CD38: variants seen among roughly 807,000 people sequenced by gnomAD.
CD38 encodes ADP-ribosyl cyclase/cyclic ADP-ribose hydrolase 1.
A neutral mutation model predicts 36.3 loss-of-function variants in CD38; 31 were observed. The ratio of observed to expected loss-of-function variants is 0.85; its 90% CI spans 0.64 to 1.15. CD38 has a LOEUF of 1.15. CD38 is among the 50% of genes most tolerant of loss of function. The probability of loss-of-function intolerance (pLI) is 0.00; values close to 1 mark genes in which losing one functional copy is unlikely to be tolerated. For synonymous variants in CD38, 131 were observed against 135.2 expected (o/e 0.97, Z 0.22); for missense variants, 380 against 371.9 (o/e 1.02, Z -0.18).
intron 5 of CD38, 143 bp from the exon 6 acceptor site, chr4:15,839,883 G>T (rs969813441): frequency 2.9e-6 from 2 of 691,292 alleles, no homozygotes; most frequent in East Asian, 4.9e-5. Context: ...ATAAGAAAAG[G>T]TTATTGACTG....
At chr4:15,840,689 C>T (rs1386832854) in intron 7 of CD38, 151 bp downstream of exon 7, 6 of 590,026 alleles carry the variant, frequency 1.0e-5, no homozygotes, top group African/African-American at 1.9e-5. Flanking sequence ...TGATCTCTGT[C>T]CCTCCTTCCA....
intron 7 of CD38, 133 bp downstream of exon 7, chr4:15,840,671 A>G (rs1560321183): frequency 5.0e-6 from 3 of 603,362 alleles, no homozygotes; most frequent in South Asian, 2.1e-5. Context: ...ACAGATGGCA[A>G]CCTCTGGTGA....
At position 15,834,203 on chromosome 4, in the gene CD38, A is replaced by G. The variant is rs755930532; in HGVS notation, c.500-14A>G. 2 of 1,538,080 alleles carry G rather than the reference A, an allele frequency of 1.3e-6. No homozygotes were observed. Among genetic ancestry groups the G allele is most frequent in the Non-Finnish European group, 1.8e-6 (2 of 1,110,926 alleles). On this transcript the variant is annotated splice_polypyrimidine_tract_variant and intron_variant, in intron 3 of 7. Transcript: ENST00000226279. Reference sequence around the variant, plus strand: ...CTGTTTTCCACTTTATTTTCTACAAACTATGTCTTTTAGAAATAAACTATC... The same window carrying G: ...CTGTTTTCCACTTTATTTTCTACAAGCTATGTCTTTTAGAAATAAACTATC...
At chr4:15,800,957 A>G (rs1390100513) in intron 1 of CD38, among the ~76,000 whole-genome samples, 1 of 152,116 alleles carries the variant, frequency 6.6e-6, no homozygotes, top group East Asian at 1.9e-4. Context: ...TAAAGATCAG[A>G]ACAGAAATAA....
chr4:15,833,923 G>A lies in CD38; in HGVS notation c.500-294G>A, dbSNP rs868781094. 5.3e-5 allele frequency among the ~76,000 whole-genome samples: 8 copies of A among 152,296 alleles called. No individual in the cohort carries two copies. In the Middle Eastern group the frequency reaches 0.017, roughly 324 times the overall value. ...TACCTCTAATTCTTCCTGGACTGGG[G>A]ATAATCCTAGAGGGCTTGTCTCTGT... On this transcript the variant is annotated intron_variant, in intron 3 of 7. Transcript: ENST00000226279.
chr4:15,806,419 C>T (rs555916885), intron 1 of CD38, among the ~76,000 whole-genome samples: 2 of 152,364 alleles, frequency 1.3e-5, no homozygotes, highest in South Asian at 4.1e-4. Flanking sequence ...TGAGGCAGCT[C>T]TGCCACTTGG....
intron 7 of CD38, among the ~76,000 whole-genome samples, chr4:15,842,396 G>A (rs1283637362): frequency 1.5e-3 from 132 of 86,884 alleles, no homozygotes; most frequent in African/African-American, 6.8e-3. Context: ...CATCTACACC[G>A]AAAACCCATC....
intron 1 of CD38, among the ~76,000 whole-genome samples, chr4:15,809,058 T>C (rs1337379765): frequency 6.6e-6 from 1 of 152,198 alleles, no homozygotes; most frequent in Non-Finnish European, 1.5e-5. Flanking sequence ...ATAGGTAAAC[T>C]GGAGATAATA....
intron 1 of CD38, among the ~76,000 whole-genome samples, chr4:15,789,641 C>A (rs1722915302): frequency 6.6e-6 from 1 of 152,106 alleles, no homozygotes; most frequent in South Asian, 2.1e-4. Context: ...CATGAGAGAT[C>A]TGCCCTCATG....
chr4:15,797,820 C>T (rs1723133009), intron 1 of CD38, among the ~76,000 whole-genome samples: 1 of 152,084 alleles, frequency 6.6e-6, no homozygotes, highest in African/African-American at 2.4e-5. Flanking sequence ...CCCAAATTTC[C>T]CCTTTTCATA....
At chr4:15,791,045 G>C (rs1490161113) in intron 1 of CD38, among the ~76,000 whole-genome samples, 17 of 118,892 alleles carry the variant, frequency 1.4e-4, no homozygotes, top group African/African-American at 5.3e-4. Flanking sequence ...GGAGGGAGGT[G>C]GGGGGGGGTC....
chr4:15,785,570 G>T, intron 1 of CD38, among the ~76,000 whole-genome samples: 1 of 151,288 alleles, frequency 6.6e-6, no homozygotes, highest in African/African-American at 2.4e-5. Flanking sequence ...AACACTCATG[G>T]CTTCTCTGCT....
chr4:15,799,620 GTTTA>G (rs907336891), intron 1 of CD38, among the ~76,000 whole-genome samples: 26 of 152,116 alleles, frequency 1.7e-4, no homozygotes, highest in African/African-American at 5.3e-4. Flanking sequence ...ATCACAATTT[GTTTA>G]TTTATCTATT....
chr4:15,803,126 T>A (rs966303172), intron 1 of CD38, among the ~76,000 whole-genome samples: 13 of 152,232 alleles, frequency 8.5e-5, no homozygotes, highest in Middle Eastern at 6.8e-3. Context: ...CCATCTATCA[T>A]AATATAAAAA....
At chr4:15,830,985 A>C (rs1156717858) in intron 3 of CD38, among the ~76,000 whole-genome samples, 1 of 151,422 alleles carries the variant, frequency 6.6e-6, no homozygotes, top group Non-Finnish European at 1.5e-5. Flanking sequence ...CTTTCAGTGG[A>C]GGTGATTTTT....
At position 15,824,524 on chromosome 4, in the gene CD38, T is replaced by C. The variant is rs193037829; in HGVS notation, c.364-357T>C. Among the ~76,000 whole-genome samples, 5 of 152,214 alleles carry C rather than the reference T, an allele frequency of 3.3e-5. No homozygotes were observed. In the East Asian group the frequency reaches 9.7e-4, roughly 29 times the overall value. ...AGCACATCTTCCTGAAAATAGCACG[T>C]AGACAAAGTTTTTTTGGAGATAACC... On this transcript the variant is annotated intron_variant, in intron 2 of 7. Coordinates refer to ENST00000226279, the MANE Select transcript of CD38 (RefSeq NM_001775.4).
At chr4:15,824,852 A>G (rs2148924516) in intron 2 of CD38, 29 bp from the exon 3 acceptor site, 7 of 1,585,462 alleles carry the variant, frequency 4.4e-6, no homozygotes, top group Non-Finnish European at 6.0e-6. Context: ...AATTGATCTC[A>G]GTAATAGATT....
At chr4:15,779,984 C>T (rs531924717) in intron 1 of CD38, among the ~76,000 whole-genome samples, 1 of 152,278 alleles carries the variant, frequency 6.6e-6, no homozygotes, top group African/African-American at 2.4e-5. Flanking sequence ...ATCTGTTGAG[C>T]ACCCACTATG....
chr4:15,787,535 TC>T (rs1722865009), intron 1 of CD38, among the ~76,000 whole-genome samples: 1 of 152,154 alleles, frequency 6.6e-6, no homozygotes, highest in East Asian at 1.9e-4. Context: ...CAAAGGTGAG[TC>T]CTGAGGCTTC....
Sources: gnomAD v4.1 joint callset for allele counts (sites outside exome capture counted in the v4.1 genomes callset) on GRCh38, gnomAD v4.1.1 for gene constraint, MANE v1.5 for transcripts, NCBI Gene and HGNC (gene_info 2026-07-23, HGNC 2026-07-21) for gene names.